The following SNX8 variants were observed in gnomAD, a reference collection of about 807,000 sequenced individuals.
The protein encoded by SNX8 is sorting nexin 8, also known as sorting nexin-8.
In SNX8, 25 loss-of-function variants were observed where a neutral mutation model predicts 51.6. The observed-to-expected ratio is 0.48, with a 90% CI of 0.35 to 0.68. The LOEUF is 0.68. Among genes scored for constraint, SNX8 ranks in the 30% least tolerant of loss-of-function variants. The pLI, the probability that SNX8 is intolerant of heterozygous loss-of-function variation, is 0.00. For missense variants in SNX8, 695 were observed against 624.0 expected, an observed-to-expected ratio of 1.11 and a Z score of -1.21; for synonymous variants, 324 against 277.0, an observed-to-expected ratio of 1.17 and a Z score of -1.68.
chr7:2,344,873 T>C (rs1197518480), intron 1 of SNX8, among the ~76,000 whole-genome samples: 1 of 152,122 alleles, frequency 6.6e-6, no homozygotes, highest in East Asian at 1.9e-4. Flanking sequence ...GCTTGGCCTT[T>C]TAGATCCTTT....
rs75506961 is a variant in SNX8 at position 2,280,220 on chromosome 7, G to A, written c.95-1915C>T. Among the ~76,000 whole-genome samples the A allele has an allele frequency of 7.7e-3, 1,170 of 152,220 alleles. 21 individuals are homozygous for A. The highest frequency in any genetic ancestry group is 0.026 in the African/African-American group (1,089 of 41,532). ...AGCAAAAGCAAATCAGAGATCCTAC[G>A]CCCAGCTTGCAAAGAAAAAACCAAA... On this transcript the variant is annotated intron_variant, in intron 1 of 10. Coordinates refer to ENST00000222990, the MANE Select transcript of SNX8 (RefSeq NM_013321.4).
chr7:2,343,949 C>T (rs1778976893), intron 1 of SNX8, among the ~76,000 whole-genome samples: 1 of 150,418 alleles, frequency 6.6e-6, no homozygotes, highest in South Asian at 2.1e-4. Context: ...AGGAGAATCG[C>T]TTGAACTGGG....
rs139054880 is a variant in SNX8 at position 2,264,349 on chromosome 7, G to A, written c.731C>T (p.Ser244Leu). The stretch of plus-strand genomic sequence containing the variant: ...ATCTGCCGCATTGTCGATGGCCCGC[G>A]ATGCGATCCGCTCGGCCCTGTCGCG... ...KLRDRAERIA[S>L]RAIDNAADLL... is the part of the protein sequence containing the mutation. The change falls in exon 6 of 11, where the codon TCG (serine) becomes TTG (leucine). Residue 244 changes from serine (S) to leucine (L), a missense_variant. Physicochemically the swap from Ser to Leu is moderately radical, Grantham distance 145 (BLOSUM62 -2). Coordinates refer to ENST00000222990, the MANE Select transcript of SNX8 (RefSeq NM_013321.4). The A allele has an allele frequency of 9.9e-6, 16 of 1,612,944 alleles. No homozygotes were observed. The highest frequency in any genetic ancestry group is 8.0e-5 in the African/African-American group (6 of 74,924).
chr7:2,257,430 T>C lies in SNX8; in HGVS notation c.1069A>G (p.Met357Val). The C allele has an allele frequency of 6.2e-7, 1 of 1,610,866 alleles. No homozygotes were observed. The change falls in exon 9 of 11, where the codon ATG becomes GTG. Residue 357 changes from methionine (M) to valine (V), a missense_variant. Transcript: ENST00000222990. ...HKYSLMKRQM[M>V]SATAQNREPE... is the part of the protein sequence containing the mutation. ...TCGCGGTTCTGCGCGGTGGCGCTCA[T>C]CATCTGCCTCTTCATCAGGCTGTAC...
chr7:2,268,740 C>T (rs1795559567), intron 5 of SNX8, among the ~76,000 whole-genome samples: 1 of 21,600 alleles, frequency 4.6e-5, no homozygotes, highest in African/African-American at 1.1e-4. Context: ...GGGTCAGCCC[C>T]CCAGCCCGGC....
intron 6 of SNX8, among the ~76,000 whole-genome samples, chr7:2,263,719 CTT>C (rs561183485): frequency 6.8e-6 from 1 of 146,770 alleles, no homozygotes. Flanking sequence ...TCAAAGGGAT[CTT>C]TTTTTTTTTT....
At chr7:2,272,159 C>T (rs1795664067) in intron 3 of SNX8, among the ~76,000 whole-genome samples, 188 bp from the exon 4 acceptor site, 1 of 152,162 alleles carries the variant, frequency 6.6e-6, no homozygotes, top group African/African-American at 2.4e-5. Context: ...ATAACCTCAC[C>T]CCCAGAGGCC....
At chr7:2,344,212 G>A (rs1342152982) in intron 1 of SNX8, among the ~76,000 whole-genome samples, 2 of 151,326 alleles carry the variant, frequency 1.3e-5, no homozygotes. Context: ...ACAAGAAAAG[G>A]AAAATAAAAA....
intron 1 of SNX8, among the ~76,000 whole-genome samples, chr7:2,353,828 T>C (rs933492442): frequency 1.3e-5 from 2 of 152,116 alleles, no homozygotes; most frequent in Non-Finnish European, 2.9e-5. Context: ...AAGGCTGGTC[T>C]CCAACTCCTA....
chr7:2,296,717 G>C lies in SNX8; in HGVS notation c.94+17611C>G, dbSNP rs189153091. ...AGGCCGAGGCGGGTGGATCACCTGAGGTCAGGAGTTCGAGACCAGCCTAGC... is the reference window on the plus strand; with the variant it reads ...AGGCCGAGGCGGGTGGATCACCTGACGTCAGGAGTTCGAGACCAGCCTAGC... On this transcript the variant is annotated intron_variant, in intron 1 of 10. Transcript: ENST00000222990. Among the ~76,000 whole-genome samples, 54 of 151,956 alleles carry C rather than the reference G, an allele frequency of 3.6e-4. No individual in the cohort carries two copies. In the East Asian group the frequency reaches 0.01, roughly 29 times the overall value.
intron 1 of SNX8, among the ~76,000 whole-genome samples, chr7:2,343,544 GT>G (rs1778970222): frequency 4.6e-5 from 7 of 151,912 alleles, no homozygotes; most frequent in Admixed American, 2.0e-4. Flanking sequence ...GTGTGGTGGC[GT>G]GCACCTGTAG....
chr7:2,322,953 G>T (rs1223236353), intron 1 of SNX8, among the ~76,000 whole-genome samples: 1 of 151,886 alleles, frequency 6.6e-6, no homozygotes, highest in African/African-American at 2.4e-5. Context: ...GGAGGCAGAG[G>T]TTGCAGTAAG....
At chr7:2,310,504 AC>A (rs1796638607) in intron 1 of SNX8, among the ~76,000 whole-genome samples, 2 of 152,000 alleles carry the variant, frequency 1.3e-5, no homozygotes, top group African/African-American at 4.8e-5. Context: ...GCAGTGGTTC[AC>A]CCCTGTAATC....
chr7:2,255,182 C>A lies in SNX8; in HGVS notation c.1285-13G>T. 4.7e-6 allele frequency: 7 copies of A among 1,502,792 alleles called. No individual in the cohort carries two copies. Among genetic ancestry groups the A allele is most frequent in the Non-Finnish European group, 6.3e-6 (7 of 1,111,418 alleles). The allele number at this position is 1,502,792 out of a possible 1,614,324, so 93.1% of individuals were successfully genotyped here. On this transcript the variant is annotated splice_polypyrimidine_tract_variant and intron_variant, in intron 10 of 10. Coordinates refer to ENST00000222990, the MANE Select transcript of SNX8 (RefSeq NM_013321.4). Reference sequence around the variant, plus strand: ...ACACCTTGCTCATCTGAAAGGGAAGCGAAGAGAACAAGATCAGCAGGCGGG... The same window carrying A: ...ACACCTTGCTCATCTGAAAGGGAAGAGAAGAGAACAAGATCAGCAGGCGGG...
chr7:2,277,715 G>A (rs377348332), intron 2 of SNX8, among the ~76,000 whole-genome samples: 3 of 152,078 alleles, frequency 2.0e-5, no homozygotes, highest in Non-Finnish European at 4.4e-5. Context: ...GCTGAGGCAG[G>A]AGAATCGCTT....
At chr7:2,337,699 A>G (rs1778855005) in intron 1 of SNX8, among the ~76,000 whole-genome samples, 1 of 152,098 alleles carries the variant, frequency 6.6e-6, no homozygotes, top group Non-Finnish European at 1.5e-5. Context: ...AAGATTGAGA[A>G]TTAATTAGCT....
intron 1 of SNX8, among the ~76,000 whole-genome samples, chr7:2,286,923 G>C (rs1317823689): frequency 2.6e-5 from 4 of 151,648 alleles, no homozygotes; most frequent in Non-Finnish European, 1.5e-5. Context: ...GGCAGATCAT[G>C]AGGTCAGGAG....
At chr7:2,304,835 C>T (rs986205376) in intron 1 of SNX8, among the ~76,000 whole-genome samples, 7 of 152,158 alleles carry the variant, frequency 4.6e-5, no homozygotes, top group African/African-American at 9.7e-5. Context: ...AACACGGGCA[C>T]TAAGTGGCCG....
chr7:2,342,665 A>C (rs561306287), intron 1 of SNX8, among the ~76,000 whole-genome samples: 7 of 152,100 alleles, frequency 4.6e-5, no homozygotes, highest in Admixed American at 2.6e-4. Context: ...CAAAAAAAAA[A>C]AAAGGATAGA....
Sources: allele counts gnomAD v4.1 joint callset (sites outside exome capture counted in the v4.1 genomes callset), GRCh38; gene constraint gnomAD v4.1.1; transcripts MANE v1.5; gene names NCBI Gene and HGNC (gene_info 2026-07-23, HGNC 2026-07-21).